The following SHMT1 variants were observed in gnomAD, a reference collection of about 807,000 sequenced individuals.
SHMT1 encodes the protein serine hydroxymethyltransferase 1.
Under a neutral mutation model 49.0 loss-of-function variants are expected in SHMT1, and 45 were observed. That is an observed-to-expected ratio of 0.92 (90% CI 0.72 to 1.18). SHMT1 has a LOEUF of 1.18. Ranked by LOEUF, SHMT1 falls within the 50% of genes most tolerant of loss-of-function variation. The pLI is 0.00. For missense variants in SHMT1, 541 were observed against 612.4 expected (o/e 0.88, Z 1.23); for synonymous variants, 232 against 246.6 (o/e 0.94, Z 0.55).
At chr17:18,355,307 T>C (rs1211837760) in intron 2 of SHMT1, among the ~76,000 whole-genome samples, 1 of 149,978 alleles carries the variant, frequency 6.7e-6, no homozygotes, top group Non-Finnish European at 1.5e-5. Context: ...GAGGTGGAAC[T>C]TGCAGTGAGC....
chr17:18,329,008 C>A, intron 11 of SHMT1, 89 bp from the exon 12 acceptor site: 1 of 1,522,312 alleles, frequency 6.6e-7, no homozygotes, highest in Non-Finnish European at 9.1e-7. Flanking sequence ...GTCAGAATGT[C>A]CCCCAGCTGG....
Position 18,340,124 on chromosome 17 carries a change from AT to A in SHMT1, c.732del (p.Phe245LeufsTer7). ...GTGGTCACCACATGGCAGTGTTCAA[AT>A]GGGGAGGGCACCACGCCAGCCGCCA... ...GLVAAGVVPS[P>X]FEHCHVVTTT... On this transcript the variant is annotated frameshift_variant, in exon 7 of 12. Transcript: ENST00000316694. LOFTEE classifies it high-confidence loss of function. The surrounding 1 kb of genome is among the most constrained non-coding windows in gnomAD (Gnocchi z 4.5). The A allele has an allele frequency of 6.2e-7, 1 of 1,614,136 alleles. No homozygotes were observed. Among genetic ancestry groups the A allele is most frequent in the Non-Finnish European group, 8.5e-7 (1 of 1,180,024 alleles).
intron 9 of SHMT1, chr17:18,331,728 C>G (rs1201676704): frequency 6.6e-6 from 1 of 152,198 alleles, no homozygotes; most frequent in Non-Finnish European, 1.5e-5. Context: ...ACCAACAGCC[C>G]CAGGGGTGGT....
chr17:18,345,807 A>G (rs1567783260), intron 5 of SHMT1, among the ~76,000 whole-genome samples: 1 of 151,874 alleles, frequency 6.6e-6, no homozygotes, highest in Non-Finnish European at 1.5e-5. Context: ...CAGCCTCCTG[A>G]GTAGCTGGAA....
intron 2 of SHMT1, among the ~76,000 whole-genome samples, chr17:18,355,098 G>A (rs1295285026): frequency 1.8e-4 from 24 of 132,538 alleles, no homozygotes; most frequent in South Asian, 7.1e-4. Flanking sequence ...GGCCGGGTGC[G>A]GTGGCTCACG....
intron 2 of SHMT1, 102 bp from the exon 3 acceptor site, chr17:18,353,919 A>G (rs1598060275): frequency 5.9e-6 from 6 of 1,017,068 alleles, no homozygotes; most frequent in East Asian, 2.4e-5. Flanking sequence ...ACTCTTTCAC[A>G]TTATGGAATA....
chr17:18,330,509 A>G (rs1310675581), intron 10 of SHMT1, 46 bp downstream of exon 10: 2 of 1,328,088 alleles, frequency 1.5e-6, no homozygotes, highest in East Asian at 2.3e-5. Context: ...GCCAGAAGAA[A>G]TGCAGATGGG....
chr17:18,328,579 A>G lies in SHMT1; in HGVS notation c.*171T>C. The G allele has an allele frequency of 1.5e-6, 1 of 682,824 alleles. No homozygotes were observed. The highest frequency in any genetic ancestry group is 2.4e-6 in the Non-Finnish European group (1 of 411,200). 42.3% of individuals were successfully genotyped at this position (682,824 alleles called of 1,614,324 possible). On this transcript the variant is annotated 3_prime_UTR_variant, in exon 12 of 12. Transcript: ENST00000316694. ...CAGAATTACTAACAATGAGACTTAA[A>G]CAAATTTTGATTTGTGAAGAAAACA...
intron 5 of SHMT1, among the ~76,000 whole-genome samples, chr17:18,342,232 A>G (rs1469703787): frequency 6.6e-6 from 1 of 152,148 alleles, no homozygotes; most frequent in Non-Finnish European, 1.5e-5. Flanking sequence ...GAAAAAAGAA[A>G]TTCTGTCATT....
intron 9 of SHMT1, chr17:18,332,873 T>G: frequency 2.3e-6 from 1 of 441,942 alleles, no homozygotes; most frequent in Non-Finnish European, 4.4e-6. Flanking sequence ...AACCTCTCAG[T>G]TGAGCCTCAG....
intron 7 of SHMT1, among the ~76,000 whole-genome samples, chr17:18,336,914 G>A (rs1983855836): frequency 6.6e-6 from 1 of 152,094 alleles, no homozygotes; most frequent in Admixed American, 6.5e-5. Flanking sequence ...CCACTGCACT[G>A]CAGCCTGAGT....
At chr17:18,346,925 T>G (rs1379167866) in intron 5 of SHMT1, among the ~76,000 whole-genome samples, 1 of 152,166 alleles carries the variant, frequency 6.6e-6, no homozygotes, top group Non-Finnish European at 1.5e-5. Context: ...TATCCTAAAG[T>G]TGAACGCCCT....
At chr17:18,360,258 C>A (rs1367160867) in intron 1 of SHMT1, among the ~76,000 whole-genome samples, 3 of 150,326 alleles carry the variant, frequency 2.0e-5, no homozygotes, top group Admixed American at 6.6e-5. Context: ...CAAAAAAAAC[C>A]AAAAAGAAAT....
At chr17:18,358,164 A>G (rs1468228281) in intron 1 of SHMT1, among the ~76,000 whole-genome samples, 1 of 149,442 alleles carries the variant, frequency 6.7e-6, no homozygotes, top group African/African-American at 2.4e-5. Context: ...AAAAAAAAAA[A>G]AAGAACTAAA....
intron 9 of SHMT1, chr17:18,332,288 G>C (rs1452904336): frequency 1.3e-5 from 2 of 152,348 alleles, no homozygotes; most frequent in Non-Finnish European, 2.9e-5. Context: ...CTGCTGAGGA[G>C]ACAGCACTGG....
chr17:18,336,488 A>G (rs180907277), intron 7 of SHMT1, among the ~76,000 whole-genome samples: 57 of 152,150 alleles, frequency 3.7e-4, no homozygotes, highest in Middle Eastern at 6.8e-3. Context: ...CAACATAGTG[A>G]AACCCTGTCT....
intron 5 of SHMT1, 191 bp from the exon 6 acceptor site, chr17:18,341,004 T>C: frequency 1.6e-6 from 1 of 628,944 alleles, no homozygotes; most frequent in Non-Finnish European, 2.9e-6. Context: ...GACCCAGGAG[T>C]CCCTGAGGAG....
chr17:18,350,900 T>C (rs948165762), intron 3 of SHMT1, among the ~76,000 whole-genome samples: 1 of 151,404 alleles, frequency 6.6e-6, no homozygotes, highest in African/African-American at 2.4e-5. Context: ...ACCCAGCTAA[T>C]TTTTGTATTT....
intron 3 of SHMT1, among the ~76,000 whole-genome samples, chr17:18,353,134 G>A (rs1985889370): frequency 6.6e-6 from 1 of 152,148 alleles, no homozygotes. Flanking sequence ...GTCTAATTCT[G>A]TAATTTATTT....
Sources: allele counts gnomAD v4.1 joint callset (sites outside exome capture counted in the v4.1 genomes callset), GRCh38; gene constraint gnomAD v4.1.1; non-coding constraint Gnocchi (gnomAD v3.1); transcripts MANE v1.5; gene names NCBI Gene and HGNC (gene_info 2026-07-23, HGNC 2026-07-21).